Variants in PDE1A observed in about 807,000 individuals in gnomAD.
PDE1A encodes dual specificity calcium/calmodulin-dependent 3',5'-cyclic nucleotide phosphodiesterase 1A.
Under a neutral mutation model 61.7 loss-of-function variants are expected in PDE1A, and 35 were observed. That is an observed-to-expected ratio of 0.57 (90% CI 0.43 to 0.75). The LOEUF (loss-of-function observed/expected upper bound fraction) is 0.75. PDE1A is among the 30% of genes least tolerant of loss of function. PDE1A has a pLI of 0.00. For missense variants in PDE1A, 597 were observed against 630.6 expected (o/e 0.95, Z 0.57); for synonymous variants, 232 against 213.2 (o/e 1.09, Z -0.77).
chr2:182,442,677 C>A (rs1295337029), intron 2 of PDE1A, among the ~76,000 whole-genome samples: 1 of 151,918 alleles, frequency 6.6e-6, no homozygotes, highest in Non-Finnish European at 1.5e-5. Context: ...ACAATTGTTC[C>A]TGGACTTCCC....
chr2:182,342,560 G>A (rs1451233844), intron 1 of PDE1A, among the ~76,000 whole-genome samples: 3 of 152,190 alleles, frequency 2.0e-5, no homozygotes, highest in Non-Finnish European at 4.4e-5. Flanking sequence ...ACACGTGCCT[G>A]TAGTCCTAGC....
intron 1 of PDE1A, among the ~76,000 whole-genome samples, chr2:182,298,938 T>C (rs1695058226): frequency 6.6e-6 from 1 of 152,032 alleles, no homozygotes; most frequent in South Asian, 2.1e-4. Context: ...CTGAAAAAGC[T>C]AGTATTTGAC....
chr2:182,704,912 A>G, the PDE1A span, among the ~76,000 whole-genome samples: 41 of 152,234 alleles, frequency 2.7e-4, no homozygotes, highest in Admixed American at 2.0e-3. Flanking sequence ...CAGTCCCTAG[A>G]TCGTACTCTA....
chr2:182,587,197 T>C, the PDE1A span, among the ~76,000 whole-genome samples: 1 of 152,156 alleles, frequency 6.6e-6, no homozygotes, highest in African/African-American at 2.4e-5. Flanking sequence ...AGGTTTTGTG[T>C]TTCATATTAA....
chr2:182,524,172 C>G (rs1051542267), upstream of PDE1A, among the ~76,000 whole-genome samples: 8 of 152,136 alleles, frequency 5.3e-5, 1 homozygote, highest in African/African-American at 1.9e-4. Context: ...GTAATCTTAG[C>G]TATATTCATG....
the PDE1A span, among the ~76,000 whole-genome samples, chr2:182,685,389 C>G: frequency 6.6e-6 from 1 of 152,042 alleles, no homozygotes; most frequent in African/African-American, 2.4e-5. Context: ...TTATGTAATA[C>G]TCATTCTCAT....
chr2:182,428,328 T>A (rs1703741996), upstream of PDE1A, among the ~76,000 whole-genome samples: 1 of 152,162 alleles, frequency 6.6e-6, no homozygotes, highest in Non-Finnish European at 1.5e-5. Context: ...TAAATCTGAT[T>A]CGCCTGCTTC....
intron 1 of PDE1A, among the ~76,000 whole-genome samples, chr2:182,401,720 G>A (rs980917442): frequency 1.1e-4 from 16 of 152,314 alleles, no homozygotes; most frequent in African/African-American, 3.8e-4. Flanking sequence ...CAAATAGGAA[G>A]AGAGGAAGAC....
chr2:182,366,541 T>G (rs1699847308), intron 1 of PDE1A, among the ~76,000 whole-genome samples: 2 of 152,058 alleles, frequency 1.3e-5, no homozygotes, highest in Admixed American at 1.3e-4. Context: ...TGTTTTTAAA[T>G]TTGAAAAATG....
intron 7 of PDE1A, 85 bp downstream of exon 7, chr2:182,223,779 A>AT: frequency 2.7e-6 from 2 of 747,596 alleles, no homozygotes; most frequent in East Asian, 3.1e-5. Context: ...AATCTTTATT[A>AT]TTTTTTAAAA....
At chr2:182,454,867 T>C (rs1685792526) in intron 2 of PDE1A, among the ~76,000 whole-genome samples, 1 of 131,290 alleles carries the variant, frequency 7.6e-6, no homozygotes. Flanking sequence ...GGCAAGGACT[T>C]CACAAAAGCA....
intron 13 of PDE1A, among the ~76,000 whole-genome samples, chr2:182,172,288 T>C (rs543007533): frequency 3.3e-5 from 5 of 152,098 alleles, no homozygotes; most frequent in Admixed American, 2.6e-4. Context: ...ACACCAGAAA[T>C]CTGATGCTGA....
At chr2:182,623,915 G>T in the PDE1A span, among the ~76,000 whole-genome samples, 190 of 152,210 alleles carry the variant, frequency 1.2e-3, 1 homozygote, top group African/African-American at 4.2e-3. Flanking sequence ...CACGAGGTCA[G>T]GAGACCGAGA....
intron 1 of PDE1A, among the ~76,000 whole-genome samples, chr2:182,347,571 G>A (rs1201769654): frequency 3.3e-5 from 5 of 152,000 alleles, no homozygotes; most frequent in Admixed American, 2.6e-4. Flanking sequence ...ACTGTAGCAT[G>A]AATTCTGTCC....
At chr2:182,710,765 A>G in the PDE1A span, among the ~76,000 whole-genome samples, 7 of 152,192 alleles carry the variant, frequency 4.6e-5, no homozygotes, top group Non-Finnish European at 7.3e-5. Flanking sequence ...GTCAATGGAT[A>G]CTTAAGTTGT....
chr2:182,509,218 GT>G (rs1212220651), intron 2 of PDE1A, among the ~76,000 whole-genome samples: 1 of 152,160 alleles, frequency 6.6e-6, no homozygotes, highest in African/African-American at 2.4e-5. Context: ...AGGTAAAAGA[GT>G]TTAGAAAACA....
chr2:182,447,140 CAA>C (rs1491318045), intron 2 of PDE1A, among the ~76,000 whole-genome samples: 1 of 151,214 alleles, frequency 6.6e-6, no homozygotes, highest in East Asian at 1.9e-4. Context: ...CACACACACA[CAA>C]ACACACATAC....
chr2:182,641,179 T>C, the PDE1A span, among the ~76,000 whole-genome samples: 1 of 152,046 alleles, frequency 6.6e-6, no homozygotes, highest in African/African-American at 2.4e-5. Flanking sequence ...AGAGTTTACA[T>C]TAAAAAACTA....
the PDE1A span, among the ~76,000 whole-genome samples, chr2:182,677,093 T>C: frequency 2.0e-5 from 3 of 152,046 alleles, no homozygotes; most frequent in Non-Finnish European, 2.9e-5. Context: ...AAATAAAGGG[T>C]ACCCAAATAG....
Sources: gnomAD v4.1 joint callset for allele counts (sites outside exome capture counted in the v4.1 genomes callset) on GRCh38, gnomAD v4.1.1 for gene constraint, MANE v1.5 for transcripts, NCBI Gene and HGNC (gene_info 2026-07-23, HGNC 2026-07-21) for gene names.